Variants in POMT2 observed in about 807,000 individuals in gnomAD.
The protein encoded by POMT2 is protein O-mannosyl-transferase 2.
POMT2 carries 75 observed loss-of-function variants against 100.0 expected under a neutral mutation model. That is an observed-to-expected ratio of 0.75 (90% CI 0.62 to 0.91). The LOEUF is 0.91. Among genes scored for constraint, POMT2 ranks in the 40% least tolerant of loss-of-function variants. The pLI, the probability that POMT2 is intolerant of heterozygous loss-of-function variation, is 0.00. For missense variants in POMT2, 940 were observed against 955.1 expected (o/e 0.98, Z 0.21); for synonymous variants, 378 against 374.1 (o/e 1.01, Z -0.12).
chr14:77,313,545 C>T (rs1891516039), intron 1 of POMT2, among the ~76,000 whole-genome samples: 1 of 152,218 alleles, frequency 6.6e-6, no homozygotes, highest in Non-Finnish European at 1.5e-5. Context: ...GGCCTTAGGG[C>T]TCAACTCAGA....
chr14:77,316,388 G>A (rs1047675217), intron 1 of POMT2, among the ~76,000 whole-genome samples: 2 of 151,914 alleles, frequency 1.3e-5, no homozygotes, highest in Non-Finnish European at 2.9e-5. Context: ...GCCTTGGCAG[G>A]ATAGTGAGAA....
intron 1 of POMT2, chr14:77,320,185 G>C: frequency 3.1e-6 from 2 of 640,306 alleles, no homozygotes; most frequent in East Asian, 2.8e-5. Flanking sequence ...ATGCACTGTA[G>C]CATAACCTGG....
intron 10 of POMT2, 73 bp from the exon 11 acceptor site, chr14:77,288,904 A>C (rs992047990): frequency 3.0e-5 from 39 of 1,280,428 alleles, no homozygotes; most frequent in Non-Finnish European, 4.3e-5. Flanking sequence ...CCTACTGGTA[A>C]ACAGTTATAG....
At position 77,288,829 on chromosome 14, in the gene POMT2, G is replaced by A. The variant is rs764723711; in HGVS notation, c.1186C>T (p.Pro396Ser). The change falls in exon 11 of 21, where the codon CCC (proline) becomes TCC (serine). Residue 396 changes from proline (P) to serine (S), a missense_variant and splice_region_variant. By Grantham distance (74) the Pro-to-Ser change is moderately conservative. Coordinates refer to ENST00000261534, the MANE Select transcript of POMT2 (RefSeq NM_013382.7). ...TCCACTGGGAAGGAAGGGTCTAGGGGATCTGCCAAAAAGAAACAAGCATTG... is the reference window on the plus strand; with the variant it reads ...TCCACTGGGAAGGAAGGGTCTAGGGAATCTGCCAAAAAGAAACAAGCATTG... Reference protein sequence around the residue: ...IIKKHNTNSDPLDPSFPVEFV... With the variant: ...IIKKHNTNSDSLDPSFPVEFV... 20 of 1,613,568 alleles carry A rather than the reference G, an allele frequency of 1.2e-5. No homozygotes were observed. The highest frequency in any genetic ancestry group is 6.7e-5 in the East Asian group (3 of 44,856).
At chr14:77,279,718 T>C (rs2140165607) in intron 18 of POMT2, 105 bp downstream of exon 18, 1 of 1,096,734 alleles carries the variant, frequency 9.1e-7, no homozygotes, top group East Asian at 2.6e-5. Flanking sequence ...AGGTGTGGGG[T>C]GGTAAACGCA....
intron 3 of POMT2, 151 bp from the exon 4 acceptor site, chr14:77,304,951 A>T: frequency 7.2e-7 from 1 of 1,395,208 alleles, no homozygotes; most frequent in Non-Finnish European, 9.7e-7. Context: ...TAACTAAGAA[A>T]AGAGTATTGT....
At chr14:77,279,067 G>A in intron 18 of POMT2, 198 bp from the exon 19 acceptor site, 2 of 730,474 alleles carry the variant, frequency 2.7e-6, no homozygotes, top group Non-Finnish European at 4.7e-6. Context: ...AGCCTAGTGA[G>A]GCCTGGGCAC....
intron 3 of POMT2, among the ~76,000 whole-genome samples, chr14:77,305,842 CT>C (rs1259367873): frequency 1.3e-5 from 2 of 152,244 alleles, no homozygotes; most frequent in Non-Finnish European, 2.9e-5. Context: ...CTGGAAAACT[CT>C]TTCTGTGTGC....
chr14:77,311,021 T>C (rs1405738807), intron 2 of POMT2, among the ~76,000 whole-genome samples: 1 of 152,202 alleles, frequency 6.6e-6, no homozygotes, highest in East Asian at 1.9e-4. Flanking sequence ...TAATCCCAGC[T>C]ACTTGGGAGG....
chr14:77,311,645 A>G (rs541216591), intron 2 of POMT2, among the ~76,000 whole-genome samples: 1 of 152,352 alleles, frequency 6.6e-6, no homozygotes, highest in South Asian at 2.1e-4. Context: ...AGGTTCATCC[A>G]TGTTGTAGCA....
rs150755807 is a variant in POMT2 at position 77,278,841 on chromosome 14, G to A, written c.1920C>T (p.Gly640=). ...GTGTCCAGCCGAGCAGGACCTGGCC[G>A]CCTCCTCGAAGCAGGACCTGGGACA... The part of the protein sequence containing the change: ...AGLSQVLLRG[G]GQVLLGWTLH... The change falls in exon 19 of 21, where the codon GGC becomes GGT. Residue 640 remains glycine, a synonymous_variant. Coordinates refer to ENST00000261534, the MANE Select transcript of POMT2 (RefSeq NM_013382.7). The A allele has an allele frequency of 3.2e-5, 52 of 1,613,248 alleles. No homozygotes were observed. Among genetic ancestry groups the A allele is most frequent in the African/African-American group, 2.8e-4 (21 of 74,888 alleles).
chr14:77,320,530 C>G lies in POMT2; in HGVS notation c.152G>C (p.Arg51Pro). ...SPKRPAWGSRRFEAVGWWALL... is the reference protein window; with the variant it reads ...SPKRPAWGSRPFEAVGWWALL... ...GGCCCACCAGCCGACCGCCTCGAAGCGCCGTGAGCCCCAAGCAGGCCGTTT... is the reference window on the plus strand; with the variant it reads ...GGCCCACCAGCCGACCGCCTCGAAGGGCCGTGAGCCCCAAGCAGGCCGTTT... Residue 51 changes from arginine (R) to proline (P), a missense_variant, in exon 1 of 21, where the codon CGC (arginine) becomes CCC (proline). Transcript: ENST00000261534. 1 of 1,558,210 alleles carries G rather than the reference C, an allele frequency of 6.4e-7. No homozygotes were observed. The highest frequency in any genetic ancestry group is 1.4e-5 in the African/African-American group (1 of 73,952).
In POMT2 at chr14:77,277,298, GCCGGATGGT is replaced by G; in HGVS notation, c.*69_*77del. 7.8e-7 allele frequency: 1 copy of G among 1,282,504 alleles called. No individual in the cohort carries two copies. The highest frequency in any genetic ancestry group is 1.1e-6 in the Non-Finnish European group (1 of 888,390). The allele number at this position is 1,282,504 out of a possible 1,614,324, so 79.4% of individuals were successfully genotyped here. On this transcript the variant is annotated 3_prime_UTR_variant, in exon 21 of 21. Transcript: ENST00000261534. The stretch of plus-strand genomic sequence containing the variant: ...GGGCTCCTTAGGCAGCTTCCTCATG[GCCGGATGGT>G]CCAGTACTGCTTCCCAGCTGGCTCT...
Position 77,276,516 on chromosome 14 carries a change from G to A in POMT2, c.*860C>T, listed in dbSNP as rs1889960169. The A allele has an allele frequency of 6.6e-6, 1 of 152,408 alleles. No individual in the cohort carries two copies. The highest frequency in any genetic ancestry group is 1.5e-5 in the Non-Finnish European group (1 of 68,128). 9.4% of individuals were successfully genotyped at this position (152,408 alleles called of 1,614,324 possible). A position where few individuals can be genotyped will look rare whatever the true frequency, so the allele number is the denominator to read the frequency against. ...TCCCAGCAGCCAGGAGAATGCATCT[G>A]CCTTGCCCTCCAGGCCAGGCTAGAT... On this transcript the variant is annotated 3_prime_UTR_variant, in exon 21 of 21. Coordinates refer to ENST00000261534, the MANE Select transcript of POMT2 (RefSeq NM_013382.7).
chr14:77,284,119 G>C (rs1890331092), intron 14 of POMT2: 3 of 523,892 alleles, frequency 5.7e-6, no homozygotes, highest in Admixed American at 5.4e-5. Context: ...TGCTCCAACA[G>C]CTCCCAGCAC....
In POMT2 at chr14:77,292,390, T is replaced by C. The variant is rs189246095; in HGVS notation, c.1117-1010A>G. 4.6e-5 allele frequency among the ~76,000 whole-genome samples: 7 copies of C among 152,336 alleles called. No individual in the cohort carries two copies. The East Asian group carries it at 1.3e-3, about 29-fold the overall frequency. On this transcript the variant is annotated intron_variant, in intron 9 of 20. Coordinates refer to ENST00000261534, the MANE Select transcript of POMT2 (RefSeq NM_013382.7). ...AAGTCTTATCTCATTTAACCATTAT[T>C]ACAGCTCTATGCCATAGGTACTATG...
intron 2 of POMT2, 104 bp downstream of exon 2, chr14:77,311,845 C>A: frequency 6.7e-7 from 1 of 1,501,558 alleles, no homozygotes; most frequent in Non-Finnish European, 8.9e-7. Flanking sequence ...TTCTACAAGT[C>A]CCAAATTCTT....
At chr14:77,317,061 T>C (rs57387598) in intron 1 of POMT2, among the ~76,000 whole-genome samples, 13,339 of 152,094 alleles carry the variant, frequency 0.088, 734 homozygotes, top group South Asian at 0.19. Context: ...CCTGGATTCA[T>C]GCAACCGGTG....
chr14:77,296,303 A>G (rs1406232007), intron 8 of POMT2, 30 bp from the exon 9 acceptor site: 5 of 1,490,884 alleles, frequency 3.4e-6, no homozygotes, highest in Non-Finnish European at 4.6e-6. Context: ...CAGAGGGGTG[A>G]GCTGGCACAG....
Sources: allele counts gnomAD v4.1 joint callset (sites outside exome capture counted in the v4.1 genomes callset), GRCh38; gene constraint gnomAD v4.1.1; transcripts MANE v1.5; gene names NCBI Gene and HGNC (gene_info 2026-07-23, HGNC 2026-07-21).